IFFO1: variants seen among roughly 807,000 people sequenced by gnomAD.
IFFO1 encodes non-homologous end joining factor IFFO1.
A neutral mutation model predicts 59.6 loss-of-function variants in IFFO1; 42 were observed. The ratio of observed to expected loss-of-function variants is 0.70; its 90% confidence interval spans 0.55 to 0.91. The LOEUF is 0.91. IFFO1 is among the 40% of genes least tolerant of loss of function. IFFO1 has a pLI of 0.00. For missense variants in IFFO1, 711 were observed against 793.2 expected (o/e 0.90, Z 1.24); for synonymous variants, 336 against 342.8 (o/e 0.98, Z 0.22).
At chr12:6,546,350 G>T (rs1946961926) in intron 8 of IFFO1, among the ~76,000 whole-genome samples, 1 of 152,186 alleles carries the variant, frequency 6.6e-6, no homozygotes, top group Non-Finnish European at 1.5e-5. Flanking sequence ...CGCAGAGAAG[G>T]CTCCATGCCT....
rs1946710446 is a variant in IFFO1, at chr12:6,541,531, T to C, written c.1591A>G (p.Ile531Val). Residue 531 changes from isoleucine (I) to valine (V), a missense_variant, in exon 9 of 10, where the codon ATC becomes GTC. By Grantham distance (29) the Ile-to-Val change is conservative. Transcript: ENST00000619571. The surrounding 1 kb of genome is among the most constrained non-coding windows in gnomAD (Gnocchi z 4.8). ...GCCTACCGGTCTCCAGACTGGGTGA[T>C]GAGCCGGCGGCAGGTCTCCATCTGC... ...DVQMETCRRL[I>V]TQSGDRKSPA... The C allele has an allele frequency of 1.2e-6, 2 of 1,613,928 alleles. No individual in the cohort carries two copies. The highest frequency in any genetic ancestry group is 1.3e-5 in the African/African-American group (1 of 74,942).
rs79705410 is a variant in IFFO1 at position 6,548,947 on chromosome 12, G to A, written c.1081-98C>T. 5.4e-5 allele frequency: 54 copies of A among 994,642 alleles called. 2 individuals carry two copies. Among genetic ancestry groups the A allele is most frequent in the East Asian group, 7.9e-5 (3 of 38,138 alleles). The allele number at this position is 994,642 out of a possible 1,614,324, so 61.6% of individuals were successfully genotyped here. ...GGGAGAAGCATGAACCAGTAGGAAG[G>A]GGGGGCAGACAGAGAGAAAAGTCAC... On this transcript the variant is annotated intron_variant, in intron 5 of 9. Transcript: ENST00000619571. The surrounding 1 kb of genome is among the most constrained non-coding windows in gnomAD (Gnocchi z 6.1).
intron 8 of IFFO1, among the ~76,000 whole-genome samples, chr12:6,545,614 C>T (rs1284393826): frequency 6.6e-6 from 1 of 150,852 alleles, no homozygotes; most frequent in Non-Finnish European, 1.5e-5. Context: ...AGGAGAATGG[C>T]GTGAACCCAG....
intron 1 of IFFO1, among the ~76,000 whole-genome samples, chr12:6,553,476 G>T (rs140001101): frequency 2.0e-5 from 3 of 152,212 alleles, no homozygotes; most frequent in African/African-American, 7.2e-5. Context: ...ATGATTTCAG[G>T]ACAACTGAAA....
At chr12:6,545,662 C>T (rs1003856625) in intron 8 of IFFO1, among the ~76,000 whole-genome samples, 1 of 151,376 alleles carries the variant, frequency 6.6e-6, no homozygotes, top group African/African-American at 2.4e-5. Context: ...CAAGCCACTG[C>T]ACTCCAGCCT....
chr12:6,553,856 G>A (rs769081100), intron 1 of IFFO1, among the ~76,000 whole-genome samples: 8 of 152,098 alleles, frequency 5.3e-5, no homozygotes, highest in Non-Finnish European at 7.4e-5. Flanking sequence ...GGCATACTGA[G>A]CTCAGAAAGC....
Position 6,541,528 on chromosome 12 carries a change from T to C in IFFO1, c.1594A>G (p.Thr532Ala), listed in dbSNP as rs896408989. 6.2e-7 allele frequency: 1 copy of C among 1,613,932 alleles called. No homozygotes were observed. Among genetic ancestry groups the C allele is most frequent in the South Asian group, 1.1e-5 (1 of 91,076 alleles). The change falls in exon 9 of 10, where the codon ACC becomes GCC. Residue 532 changes from threonine to alanine, a missense_variant. Transcript: ENST00000619571. This position sits in a 1 kb window ranked among gnomAD's most constrained non-coding sequence, Gnocchi z 4.8. ...VQMETCRRLI[T>A]QSGDRKSPAF... ...GGCGCCTACCGGTCTCCAGACTGGG[T>C]GATGAGCCGGCGGCAGGTCTCCATC...
Position 6,544,144 on chromosome 12 carries a change from G to T in IFFO1, c.1480-2502C>A, listed in dbSNP as rs887302754. On this transcript the variant is annotated intron_variant, in intron 8 of 9. Coordinates refer to ENST00000619571, the MANE Select transcript of IFFO1 (RefSeq NM_001193457.2). The stretch of plus-strand genomic sequence containing the variant: ...AAGTCATTGCACTGGGAGAGAGGAG[G>T]AGTCAGATGATTTGAAAATACTTTT... Among the ~76,000 whole-genome samples, 6 of 151,172 alleles carry T rather than the reference G, an allele frequency of 4.0e-5. No individual in the cohort carries two copies. The South Asian group carries it at 1.0e-3, about 26-fold the overall frequency.
downstream of IFFO1, chr12:6,539,529 G>A (rs181751345): frequency 1.3e-5 from 2 of 151,882 alleles, no homozygotes; most frequent in African/African-American, 4.8e-5. Context: ...ACACCAAAGT[G>A]CACAATAAAT....
At position 6,555,030 on chromosome 12, in the gene IFFO1, C is replaced by A. The variant is rs1020712657; in HGVS notation, c.773+227G>T. The stretch of plus-strand genomic sequence containing the variant: ...AGAGACAAGCCGGAAAAGTAGGAAT[C>A]CCCCCGTGTTCCGCTCCCAGCGTCC... On this transcript the variant is annotated intron_variant, in intron 1 of 9. Coordinates refer to ENST00000619571, the MANE Select transcript of IFFO1 (RefSeq NM_001193457.2). The surrounding 1 kb of genome is among the most constrained non-coding windows in gnomAD (Gnocchi z 8.6). Among the ~76,000 whole-genome samples the A allele has an allele frequency of 6.6e-6, 1 of 152,196 alleles. No homozygotes were observed. Among genetic ancestry groups the A allele is most frequent in the African/African-American group, 2.4e-5 (1 of 41,442 alleles).
Position 6,540,554 on chromosome 12 carries a change from C to T in IFFO1, c.1645G>A (p.Asp549Asn). Residue 549 changes from aspartate (D) to asparagine (N), a missense_variant, in exon 10 of 10, where the codon GAC becomes AAC. Asp to Asn is a conservative substitution (Grantham distance 23). Transcript: ENST00000619571. ...SPAFTAVPLS[D>N]PPPPPSEAED... Reference sequence around the variant, plus strand: ...GCCTCGCTTGGCGGCGGCGGCGGGTCGCTAAGCGGGACCGCAGTGAAAGCA... The same window carrying T: ...GCCTCGCTTGGCGGCGGCGGCGGGTTGCTAAGCGGGACCGCAGTGAAAGCA... 5 of 1,613,886 alleles carry T rather than the reference C, an allele frequency of 3.1e-6. No homozygotes were observed. Among genetic ancestry groups the T allele is most frequent in the Middle Eastern group, 3.3e-4 (2 of 6,062 alleles).
At position 6,548,678 on chromosome 12, in the gene IFFO1, G is replaced by T; in HGVS notation, c.1252C>A (p.Leu418Ile). 1 of 1,614,112 alleles carries T rather than the reference G, an allele frequency of 6.2e-7. No homozygotes were observed. Among genetic ancestry groups the T allele is most frequent in the Non-Finnish European group, 8.5e-7 (1 of 1,180,022 alleles). Reference sequence around the variant, plus strand: ...GGCCTGCGGACTCACAGCTGGTTGAGCATGCGCTGCATCTCCTCGTTGATG... The same window carrying T: ...GGCCTGCGGACTCACAGCTGGTTGATCATGCGCTGCATCTCCTCGTTGATG... ...LSINEEMQRM[L>I]NQLREYDFED... Residue 418 changes from leucine (L) to isoleucine (I), a missense_variant, in exon 6 of 10, where the codon CTC becomes ATC. Leu to Ile is a conservative substitution (Grantham distance 5). Coordinates refer to ENST00000619571, the MANE Select transcript of IFFO1 (RefSeq NM_001193457.2). This position sits in a 1 kb window ranked among gnomAD's most constrained non-coding sequence, Gnocchi z 6.1.
chr12:6,548,634 G>A lies in IFFO1; in HGVS notation c.1262+34C>T, dbSNP rs752797648. On this transcript the variant is annotated intron_variant, in intron 6 of 9. Coordinates refer to ENST00000619571, the MANE Select transcript of IFFO1 (RefSeq NM_001193457.2). The surrounding 1 kb of genome is among the most constrained non-coding windows in gnomAD (Gnocchi z 6.1). ...CTCCGGCCTCCTGGGCTGCTGTGGC[G>A]TCGGTGCTGCGGGAGCACGGCCTGC... 8.1e-6 allele frequency: 13 copies of A among 1,613,744 alleles called. 1 individual carries two copies. In the East Asian group the frequency reaches 1.3e-4, roughly 17 times the overall value.
At position 6,549,711 on chromosome 12, in the gene IFFO1, C is replaced by T; in HGVS notation, c.1071+45G>A. ...AGGCCAGCCGCCACGGAAGCATCCA[C>T]CTGCCCCACCCACCCCTGAGAGCAG... On this transcript the variant is annotated intron_variant, in intron 4 of 9. Coordinates refer to ENST00000619571, the MANE Select transcript of IFFO1 (RefSeq NM_001193457.2). This position sits in a 1 kb window ranked among gnomAD's most constrained non-coding sequence, Gnocchi z 5.0. 1.3e-6 allele frequency: 2 copies of T among 1,586,958 alleles called. No individual in the cohort carries two copies. The highest frequency in any genetic ancestry group is 1.7e-5 in the Admixed American group (1 of 58,834).
rs1592215228 is a variant in IFFO1 at position 6,548,869 on chromosome 12, T to G, written c.1081-20A>C. 1.3e-6 allele frequency: 2 copies of G among 1,585,862 alleles called. No homozygotes were observed. Among genetic ancestry groups the G allele is most frequent in the Non-Finnish European group, 8.6e-7 (1 of 1,163,894 alleles). On this transcript the variant is annotated intron_variant, in intron 5 of 9. Coordinates refer to ENST00000619571, the MANE Select transcript of IFFO1 (RefSeq NM_001193457.2). This position sits in a 1 kb window ranked among gnomAD's most constrained non-coding sequence, Gnocchi z 6.1. ...CAGAGACTACAGAGACGAGGCCGGG[T>G]GCATGAGGAGAAAGGGCGGGAGCGG...
chr12:6,554,268 A>G (rs560905001), intron 1 of IFFO1, among the ~76,000 whole-genome samples: 1 of 152,250 alleles, frequency 6.6e-6, no homozygotes, highest in East Asian at 1.9e-4. Context: ...ACAAGGGGTC[A>G]TAATAGCTGA....
Position 6,550,713 on chromosome 12 carries a change from G to A in IFFO1, c.912C>T (p.Phe304=). The part of the protein sequence containing the change: ...VEQLKAELVV[F]KGLMSNNLSE... Reference sequence around the variant, plus strand: ...CACTCACGTTACTCATGAGCCCCTTGAAGACCACCAGCTCAGCCTTCAACT... The same window carrying A: ...CACTCACGTTACTCATGAGCCCCTTAAAGACCACCAGCTCAGCCTTCAACT... Residue 304 remains phenylalanine, a synonymous_variant, in exon 3 of 10, where the codon TTC becomes TTT. Transcript: ENST00000619571. The A allele has an allele frequency of 6.2e-7, 1 of 1,614,130 alleles. No individual in the cohort carries two copies. Among genetic ancestry groups the A allele is most frequent in the African/African-American group, 1.3e-5 (1 of 75,052 alleles).
chr12:6,555,835 G>T lies in IFFO1; in HGVS notation c.195C>A (p.Ala65=), dbSNP rs547622756. ...GPGPAPPAAM[A]LRNDLGSNIN... is the part of the protein sequence containing the mutation. ...TGTTGGAGCCCAGGTCATTGCGGAGGGCCATGGCGGCAGGCGGGGCCGGGC... is the reference window on the plus strand; with the variant it reads ...TGTTGGAGCCCAGGTCATTGCGGAGTGCCATGGCGGCAGGCGGGGCCGGGC... Residue 65 remains alanine, a synonymous_variant, in exon 1 of 10, where the codon GCC becomes GCA. Coordinates refer to ENST00000619571, the MANE Select transcript of IFFO1 (RefSeq NM_001193457.2). The surrounding 1 kb of genome is among the most constrained non-coding windows in gnomAD (Gnocchi z 8.6). The T allele has an allele frequency of 6.2e-7, 1 of 1,611,288 alleles. No homozygotes were observed. The highest frequency in any genetic ancestry group is 2.2e-5 in the East Asian group (1 of 44,602).
rs902620419 is a variant in IFFO1, at chr12:6,549,047, C to T, written c.1081-198G>A. On this transcript the variant is annotated intron_variant, in intron 5 of 9. Transcript: ENST00000619571. This position sits in a 1 kb window ranked among gnomAD's most constrained non-coding sequence, Gnocchi z 5.0. The stretch of plus-strand genomic sequence containing the variant: ...CACAGCGGGGGTCAGGGCTGCAAAC[C>T]GAGAAGGCAGAACAAGAAGAAATCG... The T allele has an allele frequency of 3.2e-5, 19 of 595,418 alleles. No individual in the cohort carries two copies. Among genetic ancestry groups the T allele is most frequent in the South Asian group, 2.7e-4 (13 of 48,082 alleles). The allele number at this position is 595,418 out of a possible 1,614,324, so 36.9% of individuals were successfully genotyped here. A position where few individuals can be genotyped will look rare whatever the true frequency, so the allele number is the denominator to read the frequency against.
Sources: allele counts gnomAD v4.1 joint callset (sites outside exome capture counted in the v4.1 genomes callset), GRCh38; gene constraint gnomAD v4.1.1; non-coding constraint Gnocchi (gnomAD v3.1); transcripts MANE v1.5; gene names NCBI Gene and HGNC (gene_info 2026-07-23, HGNC 2026-07-21).